The following LIPC variants were observed in gnomAD, a reference collection of about 807,000 sequenced individuals.
LIPC encodes the protein lipase C, hepatic type.
LIPC carries 44 observed loss-of-function variants against 50.7 expected under a neutral mutation model. That is an observed-to-expected ratio of 0.87 (90% CI 0.68 to 1.11). The LOEUF (loss-of-function observed/expected upper bound fraction) is 1.11. LIPC is among the 50% of genes most tolerant of loss of function. The pLI, the probability that LIPC is intolerant of heterozygous loss-of-function variation, is 0.00. For missense variants in LIPC, 697 were observed against 648.2 expected (o/e 1.08, Z -0.82); for synonymous variants, 271 against 256.4 (o/e 1.06, Z -0.54).
intron 1 of LIPC, among the ~76,000 whole-genome samples, chr15:58,471,211 A>G (rs1894784227): frequency 7.3e-6 from 1 of 136,220 alleles, no homozygotes; most frequent in South Asian, 2.3e-4. Context: ...ATCTCGGTTC[A>G]CTGCAACCTC....
chr15:58,558,724 C>T (rs549876278), intron 6 of LIPC, among the ~76,000 whole-genome samples: 1 of 151,928 alleles, frequency 6.6e-6, no homozygotes, highest in African/African-American at 2.4e-5. Flanking sequence ...GAAAAACTGT[C>T]TTCCATGAAA....
intron 1 of LIPC, among the ~76,000 whole-genome samples, chr15:58,532,380 T>C (rs1002943394): frequency 2.0e-5 from 3 of 152,182 alleles, no homozygotes; most frequent in Non-Finnish European, 4.4e-5. Flanking sequence ...CGGTTACATT[T>C]ATTACATAGG....
chr15:58,440,695 T>C (rs950038111), intron 1 of LIPC, among the ~76,000 whole-genome samples: 2 of 152,144 alleles, frequency 1.3e-5, no homozygotes, highest in African/African-American at 4.8e-5. Flanking sequence ...TAACACTACA[T>C]GCAAAATGTT....
rs778922626 is a variant in LIPC, at chr15:58,541,846, C to T, written c.335C>T (p.Ala112Val). 15 of 1,613,042 alleles carry T rather than the reference C, an allele frequency of 9.3e-6. No homozygotes were observed. Among genetic ancestry groups the T allele is most frequent in the Non-Finnish European group, 1.1e-5 (13 of 1,179,980 alleles). Reference sequence around the variant, plus strand: ...GTGGCCGCGCTGAAGTCTCAGCCGGCCCAGCCAGTGAACGTGGGGCTGGTG... The same window carrying T: ...GTGGCCGCGCTGAAGTCTCAGCCGGTCCAGCCAGTGAACGTGGGGCTGGTG... ...QMVAALKSQPAQPVNVGLVDW... is the reference protein window; with the variant it reads ...QMVAALKSQPVQPVNVGLVDW... Residue 112 changes from alanine to valine, a missense_variant, in exon 3 of 9, where the codon GCC (alanine) becomes GTC (valine). By Grantham distance (64) the Ala-to-Val change is moderately conservative. Coordinates refer to ENST00000299022, the MANE Select transcript of LIPC (RefSeq NM_000236.3).
intron 1 of LIPC, among the ~76,000 whole-genome samples, chr15:58,479,864 C>A (rs1428143795): frequency 1.3e-5 from 2 of 152,142 alleles, no homozygotes; most frequent in Non-Finnish European, 1.5e-5. Context: ...TCACCATTAA[C>A]CCCCCAGCTT....
intron 1 of LIPC, among the ~76,000 whole-genome samples, chr15:58,517,911 A>G (rs914281104): frequency 1.3e-5 from 2 of 152,212 alleles, no homozygotes; most frequent in African/African-American, 2.4e-5. Flanking sequence ...TGATCTCAAC[A>G]AGGTCAGACA....
At chr15:58,478,787 C>T (rs1160224887) in intron 1 of LIPC, among the ~76,000 whole-genome samples, 1 of 152,154 alleles carries the variant, frequency 6.6e-6, no homozygotes, top group Admixed American at 6.5e-5. Context: ...GGGCAAAGGC[C>T]ATGCATGATT....
chr15:58,451,865 C>CT (rs1893911348), intron 1 of LIPC, among the ~76,000 whole-genome samples: 2 of 152,294 alleles, frequency 1.3e-5, no homozygotes, highest in South Asian at 4.1e-4. Flanking sequence ...AGAAGGTGGG[C>CT]TATCGTAGCT....
rs8031454 is a variant in LIPC at position 58,488,969 on chromosome 15, G to A, written c.89-49364G>A. Among the ~76,000 whole-genome samples the A allele has an allele frequency of 1.6e-3, 243 of 152,264 alleles. 3 individuals carry two copies. The highest frequency in any genetic ancestry group is 5.6e-3 in the African/African-American group (234 of 41,540). ...TCTGCAAAAGGCAAGTGGTCCTGATGGCTACTTAATAAAGCTGTCTGTGAG... is the reference window on the plus strand; with the variant it reads ...TCTGCAAAAGGCAAGTGGTCCTGATAGCTACTTAATAAAGCTGTCTGTGAG... On this transcript the variant is annotated intron_variant, in intron 1 of 8. Transcript: ENST00000299022.
intron 1 of LIPC, among the ~76,000 whole-genome samples, chr15:58,525,759 C>T (rs1171203377): frequency 6.6e-6 from 1 of 152,192 alleles, no homozygotes; most frequent in Non-Finnish European, 1.5e-5. Context: ...CCCAGATAAC[C>T]TCAACATAAA....
chr15:58,524,913 GT>G (rs1220211285), intron 1 of LIPC, among the ~76,000 whole-genome samples: 2 of 152,016 alleles, frequency 1.3e-5, no homozygotes, highest in African/African-American at 4.8e-5. Context: ...TCATACAGAA[GT>G]TTTTTGTTTG....
chr15:58,563,438 T>G (rs1466979035), intron 7 of LIPC, 67 bp from the exon 8 acceptor site: 8 of 1,303,754 alleles, frequency 6.1e-6, no homozygotes, highest in African/African-American at 2.9e-5. Flanking sequence ...ACATCCTGAA[T>G]GTGTGTGACC....
At chr15:58,518,403 T>A (rs1266161102) in intron 1 of LIPC, among the ~76,000 whole-genome samples, 1 of 152,208 alleles carries the variant, frequency 6.6e-6, no homozygotes, top group East Asian at 1.9e-4. Flanking sequence ...GAGGAACTTG[T>A]GCTGATACCA....
chr15:58,478,964 C>T (rs539345844), intron 1 of LIPC, among the ~76,000 whole-genome samples: 6 of 152,360 alleles, frequency 3.9e-5, no homozygotes, highest in Non-Finnish European at 5.9e-5. Flanking sequence ...CACATTCTGA[C>T]GGGCTCTAGG....
intron 1 of LIPC, among the ~76,000 whole-genome samples, chr15:58,494,379 G>A (rs756474216): frequency 6.6e-6 from 1 of 152,238 alleles, no homozygotes; most frequent in Non-Finnish European, 1.5e-5. Flanking sequence ...CAGGTACAGA[G>A]TATGGTGAGC....
chr15:58,439,055 G>T lies in LIPC; in HGVS notation c.88+6935G>T, dbSNP rs887381848. ...GGCCTGGTGAAGTCAGTTCTGGCACGGCTCTCCAGTGGACTGGCAGTGGCC... is the reference window on the plus strand; with the variant it reads ...GGCCTGGTGAAGTCAGTTCTGGCACTGCTCTCCAGTGGACTGGCAGTGGCC... On this transcript the variant is annotated intron_variant, in intron 1 of 8. Coordinates refer to ENST00000299022, the MANE Select transcript of LIPC (RefSeq NM_000236.3). Among the ~76,000 whole-genome samples the T allele has an allele frequency of 3.9e-5, 6 of 152,198 alleles. No homozygotes were observed. In the East Asian group the frequency reaches 1.2e-3, roughly 29 times the overall value.
chr15:58,440,801 G>A (rs1447295011), intron 1 of LIPC, among the ~76,000 whole-genome samples: 2 of 152,174 alleles, frequency 1.3e-5, no homozygotes, highest in Non-Finnish European at 1.5e-5. Context: ...GAAGTGGAAG[G>A]ACATTGTAAG....
intron 1 of LIPC, among the ~76,000 whole-genome samples, chr15:58,472,972 G>C (rs1195365468): frequency 1.3e-5 from 2 of 152,156 alleles, no homozygotes; most frequent in Non-Finnish European, 2.9e-5. Context: ...CTCAGAAAGG[G>C]GCATGGTTTT....
intron 1 of LIPC, among the ~76,000 whole-genome samples, chr15:58,463,164 AT>A (rs1894417321): frequency 1.3e-5 from 2 of 152,130 alleles, no homozygotes; most frequent in Admixed American, 1.3e-4. Context: ...GCACGTTGGG[AT>A]GGTGTTTGCC....
Sources: allele counts gnomAD v4.1 joint callset (sites outside exome capture counted in the v4.1 genomes callset), GRCh38; gene constraint gnomAD v4.1.1; transcripts MANE v1.5; gene names NCBI Gene and HGNC (gene_info 2026-07-23, HGNC 2026-07-21).